The following ELOVL4 variants were observed in gnomAD, a reference collection of about 807,000 sequenced individuals.
ELOVL4 encodes ELOVL fatty acid elongase 4, also known as very long chain fatty acid elongase 4.
A neutral mutation model predicts 42.1 loss-of-function variants in ELOVL4; 18 were observed. That is an observed-to-expected ratio of 0.43 (90% CI 0.30 to 0.63). The LOEUF is 0.63. Ranked by LOEUF, ELOVL4 falls within the 30% of genes least tolerant of loss-of-function variation. The pLI is 0.15. For missense variants in ELOVL4, 299 were observed against 376.2 expected, an observed-to-expected ratio of 0.79 and a Z score of 1.70; for synonymous variants, 117 against 127.0, an observed-to-expected ratio of 0.92 and a Z score of 0.53.
intron 2 of ELOVL4, 55 bp from the exon 3 acceptor site, chr6:79,925,087 A>G: frequency 8.8e-7 from 1 of 1,130,018 alleles, no homozygotes; most frequent in African/African-American, 1.5e-5. Flanking sequence ...CAGCATTAAA[A>G]ACACAATTAT....
intron 1 of ELOVL4, among the ~76,000 whole-genome samples, chr6:79,940,701 G>A (rs1774631719): frequency 6.6e-6 from 1 of 152,108 alleles, no homozygotes; most frequent in African/African-American, 2.4e-5. Flanking sequence ...AGCACAGGTA[G>A]AAATAAGAGA....
intron 1 of ELOVL4, among the ~76,000 whole-genome samples, chr6:79,934,217 A>T (rs1294846454): frequency 6.6e-6 from 1 of 152,178 alleles, no homozygotes; most frequent in African/African-American, 2.4e-5. Flanking sequence ...TGAGAGAATA[A>T]CATGAAAAAG....
intron 1 of ELOVL4, among the ~76,000 whole-genome samples, chr6:79,927,677 T>A (rs1333746600): frequency 2.6e-5 from 4 of 152,068 alleles, no homozygotes; most frequent in Non-Finnish European, 4.4e-5. Flanking sequence ...GTTAAGAAGG[T>A]GAGCTATTGC....
chr6:79,947,066 T>G, intron 1 of ELOVL4, 114 bp downstream of exon 1: 1 of 860,902 alleles, frequency 1.2e-6, no homozygotes, highest in South Asian at 1.4e-5. Flanking sequence ...ATCCGCAGCA[T>G]CCGAAAGCCG....
chr6:79,932,511 T>C (rs1774464999), intron 1 of ELOVL4, among the ~76,000 whole-genome samples: 2 of 150,708 alleles, frequency 1.3e-5, no homozygotes, highest in East Asian at 3.9e-4. Context: ...CGCACTGCAC[T>C]CCAGCCTGGG....
At chr6:79,932,693 A>G (rs1412660880) in intron 1 of ELOVL4, among the ~76,000 whole-genome samples, 1 of 152,202 alleles carries the variant, frequency 6.6e-6, no homozygotes, top group Admixed American at 6.5e-5. Flanking sequence ...CCAAAGTCAT[A>G]TACTACTCCT....
rs371760799 is a variant in ELOVL4, at chr6:79,926,256, G to T, written c.226C>A (p.Arg76Ser). Reference protein sequence around the residue: ...WMKDREPFQMRLVLIIYNFGM... With the variant: ...WMKDREPFQMSLVLIIYNFGM... ...AAATTATAGATAATGAGCACTAGAC[G>T]CATCTGAAAAGGTTCTCGGTCCTTC... is the stretch of plus-strand genomic sequence containing the variant. The change falls in exon 2 of 6, where the codon CGT becomes AGT. Residue 76 changes from arginine to serine, a missense_variant. Physicochemically the swap from Arg to Ser is moderately radical, Grantham distance 110. Transcript: ENST00000369816. The T allele has an allele frequency of 1.9e-6, 3 of 1,613,746 alleles. No homozygotes were observed. Among genetic ancestry groups the T allele is most frequent in the African/African-American group, 2.7e-5 (2 of 74,852 alleles).
intron 1 of ELOVL4, among the ~76,000 whole-genome samples, chr6:79,937,905 A>G (rs16891339): frequency 0.023 from 3,520 of 152,286 alleles, 71 homozygotes; most frequent in Non-Finnish European, 0.037. Context: ...TAAATGCTCA[A>G]TAAATGGTAG....
At chr6:79,919,332 G>A in intron 5 of ELOVL4, 88 bp downstream of exon 5, 1 of 1,442,456 alleles carries the variant, frequency 6.9e-7, no homozygotes, top group Non-Finnish European at 9.7e-7. Flanking sequence ...ATAGAAAATT[G>A]TCTAAAATGA....
chr6:79,930,304 A>T (rs191640254), intron 1 of ELOVL4, among the ~76,000 whole-genome samples: 1 of 152,268 alleles, frequency 6.6e-6, no homozygotes, highest in Admixed American at 6.5e-5. Flanking sequence ...ACCCTTCTCA[A>T]ATTAGCCCTT....
chr6:79,920,126 G>T (rs1291571895), intron 4 of ELOVL4, among the ~76,000 whole-genome samples: 1 of 152,148 alleles, frequency 6.6e-6, no homozygotes, highest in South Asian at 2.1e-4. Context: ...AGTCAGTTCA[G>T]ATTTACTAAT....
At chr6:79,943,816 C>T (rs867836130) in intron 1 of ELOVL4, among the ~76,000 whole-genome samples, 1 of 152,232 alleles carries the variant, frequency 6.6e-6, no homozygotes. Flanking sequence ...CCTCCCTCTT[C>T]CTGTACCACT....
chr6:79,937,976 G>A lies in ELOVL4; in HGVS notation c.100+9204C>T, dbSNP rs1440706982. Among the ~76,000 whole-genome samples the A allele has an allele frequency of 2.6e-5, 4 of 152,218 alleles. 1 individual carries two copies. Among genetic ancestry groups the A allele is most frequent in the South Asian group, 2.1e-4 (1 of 4,826 alleles). ...AATTCCTGACCTCAATGATCCACCC[G>A]CCTCGGCCTCCCAAAGTGCTGGGAT... On this transcript the variant is annotated intron_variant, in intron 1 of 5. Coordinates refer to ENST00000369816, the MANE Select transcript of ELOVL4 (RefSeq NM_022726.4).
At chr6:79,936,606 A>G (rs1292461138) in intron 1 of ELOVL4, among the ~76,000 whole-genome samples, 1 of 152,234 alleles carries the variant, frequency 6.6e-6, no homozygotes, top group African/African-American at 2.4e-5. Flanking sequence ...GAAATTTTCA[A>G]TGAAAACTGT....
intron 1 of ELOVL4, among the ~76,000 whole-genome samples, chr6:79,937,476 G>C (rs1367450208): frequency 6.6e-6 from 1 of 152,124 alleles, no homozygotes; most frequent in Non-Finnish European, 1.5e-5. Flanking sequence ...TAATTTGACA[G>C]GGTTAGTATT....
chr6:79,942,015 C>T (rs966079752), intron 1 of ELOVL4, among the ~76,000 whole-genome samples: 3 of 152,092 alleles, frequency 2.0e-5, no homozygotes, highest in Non-Finnish European at 2.9e-5. Context: ...GTACCATAAA[C>T]AAGAAAGGCT....
At chr6:79,927,629 G>A (rs546140421) in intron 1 of ELOVL4, among the ~76,000 whole-genome samples, 4 of 152,186 alleles carry the variant, frequency 2.6e-5, no homozygotes, top group Admixed American at 2.6e-4. Flanking sequence ...TGCAAAGTCA[G>A]GAAATGACAC....
intron 4 of ELOVL4, among the ~76,000 whole-genome samples, 157 bp downstream of exon 4, chr6:79,921,459 CAAAAAAAAA>C (rs1168483827): frequency 1.7e-4 from 7 of 42,392 alleles, no homozygotes; most frequent in East Asian, 1.4e-3. Context: ...GACTCCATCT[CAAAAAAAAA>C]AAAAAAAAAA....
At chr6:79,935,235 C>T (rs929696873) in intron 1 of ELOVL4, among the ~76,000 whole-genome samples, 6 of 152,096 alleles carry the variant, frequency 3.9e-5, no homozygotes, top group African/African-American at 9.7e-5. Flanking sequence ...TCCTTAAAAA[C>T]CTCTAATAGA....
Sources: gnomAD v4.1 joint callset for allele counts (sites outside exome capture counted in the v4.1 genomes callset) on GRCh38, gnomAD v4.1.1 for gene constraint, MANE v1.5 for transcripts, NCBI Gene and HGNC (gene_info 2026-07-23, HGNC 2026-07-21) for gene names.